S100PBP: variants seen among roughly 807,000 people sequenced by gnomAD.
The protein encoded by S100PBP is S100P-binding protein.
In S100PBP, 15 loss-of-function variants were observed where a neutral mutation model predicts 39.9. The ratio of observed to expected loss-of-function variants is 0.38; its 90% CI spans 0.25 to 0.58. The LOEUF is 0.58. Among genes scored for constraint, S100PBP ranks in the 20% least tolerant of loss-of-function variants. The pLI is 0.70. For missense variants in S100PBP, 504 were observed against 487.3 expected, an observed-to-expected ratio of 1.03 and a Z score of -0.32; for synonymous variants, 178 against 180.3, an observed-to-expected ratio of 0.99 and a Z score of 0.10.
chr1:32,854,035 T>A (rs35600053), intron 6 of S100PBP, among the ~76,000 whole-genome samples: 6,514 of 152,288 alleles, frequency 0.043, 178 homozygotes, highest in Middle Eastern at 0.085. Flanking sequence ...AAATTTAGTA[T>A]TACAGTTTTC....
intron 5 of S100PBP, chr1:32,833,999 C>T: frequency 3.3e-6 from 1 of 300,214 alleles, no homozygotes; most frequent in Non-Finnish European, 7.0e-6. Context: ...ACATTCTGGT[C>T]AATAAATGTT....
chr1:32,853,895 AAAAC>A (rs757329315), intron 6 of S100PBP, among the ~76,000 whole-genome samples: 2 of 152,238 alleles, frequency 1.3e-5, no homozygotes, highest in Admixed American at 1.3e-4. Flanking sequence ...CCTGTCTCAA[AAAAC>A]AAACAGACAA....
intron 5 of S100PBP, among the ~76,000 whole-genome samples, chr1:32,831,819 T>A (rs1017561851): frequency 4.6e-5 from 7 of 152,178 alleles, no homozygotes; most frequent in African/African-American, 1.7e-4. Flanking sequence ...TGACTCCTTT[T>A]TTTATATCCT....
At chr1:32,853,648 C>G (rs1236057792) in intron 6 of S100PBP, among the ~76,000 whole-genome samples, 2 of 151,978 alleles carry the variant, frequency 1.3e-5, no homozygotes, top group Non-Finnish European at 2.9e-5. Context: ...CCTGTAATTC[C>G]AGCACTTTGG....
chr1:32,842,033 TA>T (rs1434043997), intron 5 of S100PBP, among the ~76,000 whole-genome samples: 1 of 150,696 alleles, frequency 6.6e-6, no homozygotes, highest in Non-Finnish European at 1.5e-5. Flanking sequence ...AAAAAAAAAT[TA>T]AAAGGTTAGC....
chr1:32,838,137 C>T (rs920335730), intron 5 of S100PBP, among the ~76,000 whole-genome samples: 6 of 151,568 alleles, frequency 4.0e-5, no homozygotes, highest in Non-Finnish European at 7.4e-5. Context: ...GTCAGGAGAT[C>T]GAGACCATCC....
intron 5 of S100PBP, among the ~76,000 whole-genome samples, chr1:32,837,426 C>T (rs1280571855): frequency 6.9e-6 from 1 of 145,050 alleles, no homozygotes. Flanking sequence ...GGATTATAGG[C>T]ACCGGCCACC....
At chr1:32,848,656 A>T (rs1640484638) in intron 5 of S100PBP, among the ~76,000 whole-genome samples, 1 of 152,102 alleles carries the variant, frequency 6.6e-6, no homozygotes, top group African/African-American at 2.4e-5. Flanking sequence ...GTCCTATAAA[A>T]CCTGTCAGAA....
rs1640809741 is a variant in S100PBP at position 32,856,096 on chromosome 1, T to C, written c.*58T>C. The C allele has an allele frequency of 6.5e-6, 7 of 1,084,564 alleles. No individual in the cohort carries two copies. The highest frequency in any genetic ancestry group is 9.7e-6 in the Non-Finnish European group (7 of 721,766). The allele number at this position is 1,084,564 out of a possible 1,614,324, so 67.2% of individuals were successfully genotyped here. A position where few individuals can be genotyped will look rare whatever the true frequency, so the allele number is the denominator to read the frequency against. ...ATCCAGGGTCCTGCTTGGAGCAGCA[T>C]TTCATGTTCTTTTGCTGTTTTGTGC... On this transcript the variant is annotated 3_prime_UTR_variant, in exon 7 of 7. Transcript: ENST00000373475.
Position 32,856,086 on chromosome 1 carries a change from T to C in S100PBP, c.*48T>C, listed in dbSNP as rs749572388. The C allele has an allele frequency of 5.2e-5, 62 of 1,190,662 alleles. No individual in the cohort carries two copies. The highest frequency in any genetic ancestry group is 7.2e-5 in the Non-Finnish European group (58 of 806,472). The allele number at this position is 1,190,662 out of a possible 1,614,324, so 73.8% of individuals were successfully genotyped here. ...GAAGGTCCCTATCCAGGGTCCTGCTTGGAGCAGCATTTCATGTTCTTTTGC... is the reference window on the plus strand; with the variant it reads ...GAAGGTCCCTATCCAGGGTCCTGCTCGGAGCAGCATTTCATGTTCTTTTGC... On this transcript the variant is annotated 3_prime_UTR_variant, in exon 7 of 7. Transcript: ENST00000373475.
chr1:32,845,373 G>T (rs1033239464), intron 5 of S100PBP, among the ~76,000 whole-genome samples: 1 of 151,974 alleles, frequency 6.6e-6, no homozygotes, highest in African/African-American at 2.4e-5. Context: ...AACCCAGGAG[G>T]CTGAGTGAAC....
At chr1:32,852,976 T>G (rs1184984250) in intron 5 of S100PBP, 103 bp from the exon 6 acceptor site, 5 of 757,570 alleles carry the variant, frequency 6.6e-6, no homozygotes, top group Non-Finnish European at 1.2e-5. Flanking sequence ...TATATATTGT[T>G]GAGAACAGTG....
intron 5 of S100PBP, among the ~76,000 whole-genome samples, chr1:32,841,872 C>A (rs1033390586): frequency 6.6e-6 from 1 of 150,800 alleles, no homozygotes; most frequent in African/African-American, 2.4e-5. Context: ...ACATTTAGAT[C>A]TATGATCCTT....
intron 5 of S100PBP, among the ~76,000 whole-genome samples, chr1:32,841,243 A>G (rs1471661963): frequency 3.9e-5 from 6 of 152,048 alleles, no homozygotes; most frequent in Non-Finnish European, 7.4e-5. Flanking sequence ...TCCAAATGCA[A>G]GTTTCTTTGC....
chr1:32,843,461 A>ATT (rs968094051), intron 5 of S100PBP, among the ~76,000 whole-genome samples: 1 of 144,652 alleles, frequency 6.9e-6, no homozygotes, highest in Non-Finnish European at 1.5e-5. Flanking sequence ...CACCCGGCTA[A>ATT]TTTTTTTTTT....
intron 1 of S100PBP, chr1:32,824,884 T>C (rs1039473915): frequency 6.7e-6 from 1 of 149,720 alleles, no homozygotes. Flanking sequence ...AATTTTTAGA[T>C]TTTTGGTGGA....
chr1:32,821,203 G>C (rs1639039945), intron 1 of S100PBP, among the ~76,000 whole-genome samples: 1 of 152,118 alleles, frequency 6.6e-6, no homozygotes, highest in Admixed American at 6.6e-5. Context: ...ACTTTGGGAG[G>C]CTGAGGCGGA....
chr1:32,842,236 T>TATATATATATATATACAC (rs372174677), intron 5 of S100PBP, among the ~76,000 whole-genome samples: 1 of 80,852 alleles, frequency 1.2e-5, no homozygotes, highest in Non-Finnish European at 2.3e-5. Context: ...TATATATATA[T>TATATATATATATATACAC]ACACACACAC....
At chr1:32,827,005 A>C in intron 3 of S100PBP, 75 bp downstream of exon 3, 1 of 970,254 alleles carries the variant, frequency 1.0e-6, no homozygotes, top group Non-Finnish European at 1.5e-6. Flanking sequence ...GTTTCCATAT[A>C]CCTGCTATCT....
Sources: allele counts gnomAD v4.1 joint callset (sites outside exome capture counted in the v4.1 genomes callset), GRCh38; gene constraint gnomAD v4.1.1; transcripts MANE v1.5; gene names NCBI Gene and HGNC (gene_info 2026-07-23, HGNC 2026-07-21).